The following NRG1 variants were observed in gnomAD, a reference collection of about 807,000 sequenced individuals.
NRG1 encodes pro-neuregulin-1, membrane-bound isoform.
A neutral mutation model predicts 63.8 loss-of-function variants in NRG1; 18 were observed. The observed-to-expected ratio is 0.28, with a 90% CI of 0.19 to 0.42. NRG1 has a LOEUF of 0.42. Among genes scored for constraint, NRG1 ranks in the 10% least tolerant of loss-of-function variants. NRG1 has a pLI of 1.00. For missense variants in NRG1, 762 were observed against 814.7 expected (o/e 0.94, Z 0.79); for synonymous variants, 302 against 301.3 (o/e 1.00, Z -0.02).
rs369256102 is a variant in NRG1, at chr8:31,781,831, CA to C, written c.37+142410del. ...AACTCTATATTTTAAGTCTAAATTC[CA>C]AAAAAAAAAGGAAGAGTAAAGAATA... On this transcript the variant is annotated intron_variant, in intron 1 of 10. Transcript: ENST00000519301. Among the ~76,000 whole-genome samples, 106 of 144,578 alleles carry C rather than the reference CA, an allele frequency of 7.3e-4. 1 individual carries two copies. The highest frequency in any genetic ancestry group is 8.8e-4 in the African/African-American group (35 of 39,552). The allele number at this position is 144,578 out of a possible 152,430, so 94.8% of individuals were successfully genotyped here.
intron 1 of NRG1, among the ~76,000 whole-genome samples, chr8:31,927,510 G>A (rs535110586): frequency 4.8e-4 from 65 of 135,234 alleles, no homozygotes; most frequent in Middle Eastern, 9.8e-3. Context: ...GTGCAGTGGC[G>A]GGATCTCGGC....
intron 1 of NRG1, among the ~76,000 whole-genome samples, chr8:31,947,128 G>A (rs1042975266): frequency 1.9e-4 from 28 of 151,274 alleles, no homozygotes; most frequent in Admixed American, 9.2e-4. Flanking sequence ...GTGAAACCCC[G>A]TCTCTACTAA....
At chr8:31,735,462 C>A (rs1220778699) in intron 1 of NRG1, among the ~76,000 whole-genome samples, 1 of 152,052 alleles carries the variant, frequency 6.6e-6, no homozygotes, top group Non-Finnish European at 1.5e-5. Flanking sequence ...ATTTTTTCTA[C>A]ATTTCCGCTT....
chr8:32,257,186 A>G (rs774752616), intron 1 of NRG1, among the ~76,000 whole-genome samples: 1 of 152,184 alleles, frequency 6.6e-6, no homozygotes, highest in African/African-American at 2.4e-5. Flanking sequence ...GCTGGCAGCG[A>G]GAATTTCAAG....
chr8:32,498,501 T>C (rs959123200), intron 1 of NRG1, among the ~76,000 whole-genome samples: 1 of 152,044 alleles, frequency 6.6e-6, no homozygotes, highest in Non-Finnish European at 1.5e-5. Context: ...GAAAAGCCCC[T>C]TATAAAACCA....
At chr8:32,586,973 C>A (rs1031837678) in intron 1 of NRG1, among the ~76,000 whole-genome samples, 3 of 152,086 alleles carry the variant, frequency 2.0e-5, no homozygotes, top group Non-Finnish European at 4.4e-5. Flanking sequence ...GAGGCTAGAG[C>A]AAGAGGATTC....
intron 1 of NRG1, among the ~76,000 whole-genome samples, chr8:31,769,488 T>G (rs1318964981): frequency 1.3e-5 from 2 of 152,132 alleles, no homozygotes; most frequent in African/African-American, 2.4e-5. Context: ...TGGGATATAA[T>G]TTTTCATTGG....
chr8:31,992,349 G>A (rs201425500), intron 1 of NRG1, among the ~76,000 whole-genome samples: 2 of 152,004 alleles, frequency 1.3e-5, no homozygotes, highest in East Asian at 1.9e-4. Context: ...CTGATGTTCA[G>A]TTTAAAGATG....
At chr8:32,632,224 T>C (rs1231971541) in intron 5 of NRG1, among the ~76,000 whole-genome samples, 1 of 152,092 alleles carries the variant, frequency 6.6e-6, no homozygotes, top group Non-Finnish European at 1.5e-5. Flanking sequence ...TCCATCGAAG[T>C]ATACACTCTT....
intron 1 of NRG1, among the ~76,000 whole-genome samples, chr8:32,186,690 T>A (rs1842007217): frequency 6.6e-6 from 1 of 152,108 alleles, no homozygotes; most frequent in Non-Finnish European, 1.5e-5. Context: ...CCTACTGAAT[T>A]AGAATCTGTG....
chr8:32,165,941 CT>C (rs1307617294), intron 1 of NRG1, among the ~76,000 whole-genome samples: 1 of 152,102 alleles, frequency 6.6e-6, no homozygotes, highest in Non-Finnish European at 1.5e-5. Context: ...CAGCCCATTG[CT>C]TGTGTACATG....
chr8:32,493,916 C>A (rs995475170), intron 1 of NRG1, among the ~76,000 whole-genome samples: 1 of 152,052 alleles, frequency 6.6e-6, no homozygotes, highest in Admixed American at 6.6e-5. Flanking sequence ...CTATCCTTTT[C>A]TTGAAAGAAG....
chr8:31,751,171 G>A (rs1816420707), intron 1 of NRG1, among the ~76,000 whole-genome samples: 1 of 151,924 alleles, frequency 6.6e-6, no homozygotes, highest in African/African-American at 2.4e-5. Context: ...GTTTACTATT[G>A]GCAAGACATC....
chr8:32,180,928 G>T (rs73576626), intron 1 of NRG1, among the ~76,000 whole-genome samples: 1,966 of 152,126 alleles, frequency 0.013, 50 homozygotes, highest in African/African-American at 0.044. Flanking sequence ...TCTCTGTCCT[G>T]AGTAACCACC....
chr8:32,196,663 A>G (rs1842978374), intron 1 of NRG1, among the ~76,000 whole-genome samples: 1 of 152,142 alleles, frequency 6.6e-6, no homozygotes, highest in South Asian at 2.1e-4. Flanking sequence ...AAAATAGTTT[A>G]AAATTCCAAG....
chr8:32,119,712 C>T (rs1318331825), intron 1 of NRG1, among the ~76,000 whole-genome samples: 4 of 151,978 alleles, frequency 2.6e-5, no homozygotes, highest in East Asian at 3.9e-4. Flanking sequence ...AAATGACACC[C>T]AGGACAACTG....
At chr8:31,639,416 C>G in exon 1 of NRG1, 1 of 1,534,810 alleles carries the variant, frequency 6.5e-7, no homozygotes, top group East Asian at 2.5e-5. Context: ...ACGCGCGGGC[C>G]GAGTTGGCAC....
At chr8:32,403,214 C>T (rs1249164809) in intron 1 of NRG1, among the ~76,000 whole-genome samples, 1 of 148,690 alleles carries the variant, frequency 6.7e-6, no homozygotes, top group Non-Finnish European at 1.5e-5. Context: ...CAGAGAATTG[C>T]TTGAACCTGG....
At chr8:31,715,783 A>G (rs1439853301) in intron 1 of NRG1, among the ~76,000 whole-genome samples, 1 of 152,130 alleles carries the variant, frequency 6.6e-6, no homozygotes, top group African/African-American at 2.4e-5. Context: ...TCTACATGAG[A>G]AAATGGGAAG....
Sources: allele counts gnomAD v4.1 joint callset (sites outside exome capture counted in the v4.1 genomes callset), GRCh38; gene constraint gnomAD v4.1.1; transcripts MANE v1.5; gene names NCBI Gene and HGNC (gene_info 2026-07-23, HGNC 2026-07-21).